Variants in NIPAL2 observed in about 807,000 individuals in gnomAD.
NIPAL2 encodes NIPA-like protein 2.
A neutral mutation model predicts 48.9 loss-of-function variants in NIPAL2; 43 were observed. That is an observed-to-expected ratio of 0.88 (90% CI 0.69 to 1.13). NIPAL2 has a LOEUF of 1.13. Among genes scored for constraint, NIPAL2 ranks in the 50% most tolerant of loss-of-function variants. The pLI is 0.00. For missense variants in NIPAL2, 446 were observed against 461.4 expected, an observed-to-expected ratio of 0.97 and a Z score of 0.31; for synonymous variants, 167 against 174.6, an observed-to-expected ratio of 0.96 and a Z score of 0.34.
At chr8:98,222,825 C>T (rs10107699) in intron 4 of NIPAL2, among the ~76,000 whole-genome samples, 41,478 of 152,210 alleles carry the variant, frequency 0.27, 5,851 homozygotes, top group African/African-American at 0.32. Flanking sequence ...ACATAACTTC[C>T]AATTTTTCTC....
At chr8:98,213,153 G>A (rs921487872) in intron 5 of NIPAL2, among the ~76,000 whole-genome samples, 24 of 152,218 alleles carry the variant, frequency 1.6e-4, no homozygotes, top group African/African-American at 5.5e-4. Context: ...GAAACAGAAC[G>A]TACCGACACC....
intron 1 of NIPAL2, among the ~76,000 whole-genome samples, chr8:98,293,346 G>T (rs1481062716): frequency 6.6e-6 from 1 of 152,190 alleles, no homozygotes; most frequent in Non-Finnish European, 1.5e-5. Context: ...AAATAAATGG[G>T]CGGCTCCAAG....
chr8:98,206,915 A>C (rs1277067974), intron 6 of NIPAL2, among the ~76,000 whole-genome samples: 1 of 152,152 alleles, frequency 6.6e-6, no homozygotes, highest in Non-Finnish European at 1.5e-5. Context: ...TTTTGACCTG[A>C]TTCTTTTACA....
chr8:98,217,423 G>T, intron 5 of NIPAL2: 1 of 761,962 alleles, frequency 1.3e-6, no homozygotes, highest in Non-Finnish European at 1.6e-6. Flanking sequence ...AGTCCCGAAA[G>T]CCAATTCAGG....
At chr8:98,242,649 C>G (rs1413057435) in intron 3 of NIPAL2, among the ~76,000 whole-genome samples, 9 of 151,958 alleles carry the variant, frequency 5.9e-5, no homozygotes, top group Non-Finnish European at 1.2e-4. Context: ...CTATGCCCGG[C>G]TAATTTTTGT....
Position 98,205,176 on chromosome 8 carries a change from T to A in NIPAL2, c.726A>T (p.Gln242His). ...MITFSVMDKM[Q>H]LTYPIFYIMF... is the part of the protein sequence containing the mutation. Reference sequence around the variant, plus strand: ...TGATATAGAAAATGGGGTAAGTTAGTTGCATTTTATCCATCACAGAAAAAG... The same window carrying A: ...TGATATAGAAAATGGGGTAAGTTAGATGCATTTTATCCATCACAGAAAAAG... The change falls in exon 7 of 11, where the codon CAA (glutamine) becomes CAT (histidine). Residue 242 changes from glutamine (Q) to histidine (H), a missense_variant. Coordinates refer to ENST00000430223, the MANE Select transcript of NIPAL2 (RefSeq NM_001321635.2). 1.9e-6 allele frequency: 3 copies of A among 1,613,238 alleles called. No homozygotes were observed. The highest frequency in any genetic ancestry group is 2.5e-6 in the Non-Finnish European group (3 of 1,179,224).
chr8:98,291,151 A>C (rs934189888), intron 1 of NIPAL2, among the ~76,000 whole-genome samples: 1 of 152,178 alleles, frequency 6.6e-6, no homozygotes, highest in East Asian at 1.9e-4. Context: ...GGTAAAGTCC[A>C]AACTTTGTCA....
intron 1 of NIPAL2, among the ~76,000 whole-genome samples, chr8:98,280,761 T>TATATATATATATATAGAGAGAGAG: frequency 2.2e-3 from 67 of 29,996 alleles, no homozygotes; most frequent in South Asian, 4.5e-3. Flanking sequence ...TATATATATA[T>TATATATATATATATAGAGAGAGAG]AGAGAGAGAG....
chr8:98,281,586 A>C (rs1055873467), intron 1 of NIPAL2, among the ~76,000 whole-genome samples: 2 of 152,222 alleles, frequency 1.3e-5, no homozygotes, highest in African/African-American at 4.8e-5. Context: ...CTGTATCAAG[A>C]TATCTCATGT....
At chr8:98,264,946 G>T (rs1423494488) in intron 1 of NIPAL2, among the ~76,000 whole-genome samples, 1 of 148,908 alleles carries the variant, frequency 6.7e-6, no homozygotes, top group Non-Finnish European at 1.5e-5. Context: ...TAGATCAATG[G>T]AACAGAACAG....
intron 1 of NIPAL2, among the ~76,000 whole-genome samples, chr8:98,281,812 C>T (rs1586482923): frequency 6.6e-6 from 1 of 152,220 alleles, no homozygotes; most frequent in East Asian, 1.9e-4. Context: ...TTGCTGTGGC[C>T]GTTGTACCAA....
At chr8:98,284,117 G>A (rs1816011710) in intron 1 of NIPAL2, among the ~76,000 whole-genome samples, 1 of 152,018 alleles carries the variant, frequency 6.6e-6, no homozygotes, top group Non-Finnish European at 1.5e-5. Flanking sequence ...TAGCAGCCAG[G>A]TCCCAACACA....
rs544827549 is a variant in NIPAL2 at position 98,273,478 on chromosome 8, G to A, written c.136-19391C>T. Among the ~76,000 whole-genome samples, 14 of 152,100 alleles carry A rather than the reference G, an allele frequency of 9.2e-5. No homozygotes were observed. In the South Asian group the frequency reaches 2.1e-3, roughly 23 times the overall value. On this transcript the variant is annotated intron_variant, in intron 1 of 10. Coordinates refer to ENST00000430223, the MANE Select transcript of NIPAL2 (RefSeq NM_001321635.2). ...ATAACTTTGTGATATACTAAAAACC[G>A]AAAGATTGTACACTTTAAATGAGTG...
At chr8:98,272,743 T>C (rs1371330032) in intron 1 of NIPAL2, among the ~76,000 whole-genome samples, 1 of 151,926 alleles carries the variant, frequency 6.6e-6, no homozygotes, top group Non-Finnish European at 1.5e-5. Flanking sequence ...GGCTCCCGAG[T>C]AACTGTGACT....
At chr8:98,280,487 G>A (rs946033595) in intron 1 of NIPAL2, among the ~76,000 whole-genome samples, 11 of 151,776 alleles carry the variant, frequency 7.2e-5, no homozygotes, top group African/African-American at 2.4e-4. Flanking sequence ...AGAAATGACT[G>A]TAATGGCCTG....
In NIPAL2 at chr8:98,235,176, C is replaced by T. The variant is rs137967827; in HGVS notation, c.436+979G>A. On this transcript the variant is annotated intron_variant, in intron 4 of 10. Transcript: ENST00000430223. ...AAAATTTAAAAAAAATATGATCTCC[C>T]TGGAAGAGGGTAGGCATTGTTTTAT... Among the ~76,000 whole-genome samples, 879 of 152,164 alleles carry T rather than the reference C, an allele frequency of 5.8e-3. 10 individuals are homozygous for T. Among genetic ancestry groups the T allele is most frequent in the African/African-American group, 0.02 (842 of 41,516 alleles).
At chr8:98,255,154 C>T (rs1302625797) in intron 1 of NIPAL2, among the ~76,000 whole-genome samples, 3 of 152,158 alleles carry the variant, frequency 2.0e-5, no homozygotes, top group Admixed American at 6.5e-5. Context: ...AATATATAAT[C>T]GTGTAACACA....
intron 1 of NIPAL2, among the ~76,000 whole-genome samples, chr8:98,269,496 T>C (rs1349711025): frequency 6.6e-6 from 1 of 152,184 alleles, no homozygotes; most frequent in Non-Finnish European, 1.5e-5. Flanking sequence ...GCAGTAATAT[T>C]TTCAGAGGAA....
At chr8:98,250,319 A>C (rs1438659322) in intron 3 of NIPAL2, among the ~76,000 whole-genome samples, 3 of 151,986 alleles carry the variant, frequency 2.0e-5, no homozygotes, top group Non-Finnish European at 4.4e-5. Flanking sequence ...CTGTAGACAC[A>C]GACATAAGAG....
Sources: gnomAD v4.1 joint callset for allele counts (sites outside exome capture counted in the v4.1 genomes callset) on GRCh38, gnomAD v4.1.1 for gene constraint, MANE v1.5 for transcripts, NCBI Gene and HGNC (gene_info 2026-07-23, HGNC 2026-07-21) for gene names.